Variants in FANCI observed in about 807,000 individuals in gnomAD.
FANCI encodes FA complementation group I, also known as Fanconi anemia group I protein.
A neutral mutation model predicts 176.1 loss-of-function variants in FANCI; 156 were observed. That is an observed-to-expected ratio of 0.89 (90% CI 0.78 to 1.01). The LOEUF is 1.01. Among genes scored for constraint, FANCI ranks in the 50% least tolerant of loss-of-function variants. FANCI has a pLI of 0.00. For synonymous variants in FANCI, 613 were observed against 541.7 expected, an observed-to-expected ratio of 1.13 and a Z score of -1.83; for missense variants, 1,678 against 1,534.1, an observed-to-expected ratio of 1.09 and a Z score of -1.57.
intron 24 of FANCI, among the ~76,000 whole-genome samples, chr15:89,297,622 G>A (rs897141561): frequency 6.6e-6 from 1 of 152,174 alleles, no homozygotes. Flanking sequence ...CCAGTCAGGT[G>A]TGGCGGCAAT....
At chr15:89,271,962 A>G (rs1182464224) in intron 10 of FANCI, among the ~76,000 whole-genome samples, 2 of 152,334 alleles carry the variant, frequency 1.3e-5, no homozygotes, top group South Asian at 2.1e-4. Flanking sequence ...TCTTTTGTGC[A>G]TATATCCAGG....
At chr15:89,302,185 A>T (rs886134928) in intron 27 of FANCI, among the ~76,000 whole-genome samples, 5 of 152,150 alleles carry the variant, frequency 3.3e-5, no homozygotes, top group Admixed American at 3.3e-4. Flanking sequence ...ACTCCTCTTT[A>T]TGTGAGCCCT....
At chr15:89,311,011 A>G (rs1012837164) in intron 34 of FANCI, among the ~76,000 whole-genome samples, 1 of 152,120 alleles carries the variant, frequency 6.6e-6, no homozygotes, top group African/African-American at 2.4e-5. Flanking sequence ...TAATCTCAGC[A>G]TTTTGGGAGG....
At chr15:89,302,181 C>T (rs1465435617) in intron 27 of FANCI, among the ~76,000 whole-genome samples, 2 of 152,166 alleles carry the variant, frequency 1.3e-5, no homozygotes, top group African/African-American at 4.8e-5. Context: ...GTATACTCCT[C>T]TTTATGTGAG....
intron 2 of FANCI, among the ~76,000 whole-genome samples, chr15:89,252,984 G>A (rs539477112): frequency 1.1e-4 from 17 of 152,236 alleles, no homozygotes; most frequent in African/African-American, 3.9e-4. Context: ...TACACACAGG[G>A]ATAGTTAGGG....
At chr15:89,313,602 G>A (rs1397170998) in intron 35 of FANCI, among the ~76,000 whole-genome samples, 1 of 152,176 alleles carries the variant, frequency 6.6e-6, no homozygotes, top group Non-Finnish European at 1.5e-5. Flanking sequence ...GCTGGCAAAG[G>A]TGAAAATTAG....
chr15:89,305,780 C>G, intron 31 of FANCI, 82 bp downstream of exon 31: 2 of 1,409,458 alleles, frequency 1.4e-6, no homozygotes, highest in African/African-American at 1.4e-5. Flanking sequence ...AAAAATGGAG[C>G]CCCTGAGCTA....
intron 16 of FANCI, 61 bp from the exon 17 acceptor site, chr15:89,283,075 G>A: frequency 6.4e-7 from 1 of 1,558,250 alleles, no homozygotes; most frequent in African/African-American, 1.4e-5. Context: ...GGATTTTTCT[G>A]ACCCAGAAGC....
chr15:89,314,155 G>T (rs1207363666), intron 35 of FANCI, among the ~76,000 whole-genome samples: 2 of 96,690 alleles, frequency 2.1e-5, no homozygotes, highest in Non-Finnish European at 4.1e-5. Context: ...ACACAAAAAT[G>T]TAGGACCTTT....
At chr15:89,262,759 G>C (rs2052767775) in intron 6 of FANCI, among the ~76,000 whole-genome samples, 1 of 152,138 alleles carries the variant, frequency 6.6e-6, no homozygotes, top group African/African-American at 2.4e-5. Flanking sequence ...TAATACAACT[G>C]TCCATGTCAG....
chr15:89,244,389 A>C (rs2051849513), intron 1 of FANCI: 1 of 152,154 alleles, frequency 6.6e-6, no homozygotes, highest in Admixed American at 6.5e-5. Flanking sequence ...ATTTGCGCTC[A>C]CGGCTTGTTA....
intron 19 of FANCI, 152 bp from the exon 20 acceptor site, chr15:89,291,461 A>G (rs2054066276): frequency 6.0e-6 from 4 of 663,866 alleles, no homozygotes; most frequent in Admixed American, 4.7e-5. Context: ...TGGGTGAGCC[A>G]AAGAAATAAA....
At chr15:89,258,573 A>C in intron 2 of FANCI, 131 bp from the exon 3 acceptor site, 1 of 761,904 alleles carries the variant, frequency 1.3e-6, no homozygotes, top group Non-Finnish European at 2.4e-6. Flanking sequence ...TCTAAAAATT[A>C]TGGTGTTTGT....
chr15:89,269,465 T>C (rs1401018049), intron 10 of FANCI, among the ~76,000 whole-genome samples: 2 of 152,346 alleles, frequency 1.3e-5, no homozygotes, highest in East Asian at 1.9e-4. Flanking sequence ...GGTTGTTCTT[T>C]CTTTCTAGTT....
intron 2 of FANCI, among the ~76,000 whole-genome samples, chr15:89,252,299 TAAAAAAAAA>T (rs765131815): frequency 7.7e-6 from 1 of 130,112 alleles, no homozygotes; most frequent in Non-Finnish European, 1.7e-5. Context: ...AGATTCCATC[TAAAAAAAAA>T]AAAAAGAAAA....
intron 14 of FANCI, among the ~76,000 whole-genome samples, chr15:89,279,779 C>G (rs1201930442): frequency 6.6e-6 from 1 of 152,028 alleles, no homozygotes. Flanking sequence ...TCATTTTTCT[C>G]CCTCATACTG....
At chr15:89,271,403 G>C (rs1397703013) in intron 10 of FANCI, among the ~76,000 whole-genome samples, 3 of 152,126 alleles carry the variant, frequency 2.0e-5, no homozygotes, top group Non-Finnish European at 4.4e-5. Context: ...GGAATTATAT[G>C]ATATGTGGTC....
rs764536050 is a variant in FANCI at position 89,281,158 on chromosome 15, T to G, written c.1382-12T>G. 2 of 1,612,858 alleles carry G rather than the reference T, an allele frequency of 1.2e-6. No individual in the cohort carries two copies. The highest frequency in any genetic ancestry group is 1.7e-6 in the Non-Finnish European group (2 of 1,179,154). ...TTATTTGAGACAACTGATTATAGAT[T>G]CTGTTTTTCAGACCTGCTTTCAAAT... On this transcript the variant is annotated splice_polypyrimidine_tract_variant and intron_variant, in intron 14 of 37. Transcript: ENST00000310775.
chr15:89,280,374 C>T (rs900239441), intron 14 of FANCI, among the ~76,000 whole-genome samples: 1 of 152,106 alleles, frequency 6.6e-6, no homozygotes, highest in Non-Finnish European at 1.5e-5. Flanking sequence ...TGATCCCACC[C>T]TACCTTTCCA....
Sources: allele counts gnomAD v4.1 joint callset (sites outside exome capture counted in the v4.1 genomes callset), GRCh38; gene constraint gnomAD v4.1.1; transcripts MANE v1.5; gene names NCBI Gene and HGNC (gene_info 2026-07-23, HGNC 2026-07-21).